Variants in TMPRSS2 observed in about 807,000 individuals in gnomAD.
The protein encoded by TMPRSS2 is transmembrane serine protease 2.
In TMPRSS2, 59 loss-of-function variants were observed where a neutral mutation model predicts 67.4. The observed-to-expected ratio is 0.88, with a 90% CI of 0.71 to 1.09. The LOEUF (loss-of-function observed/expected upper bound fraction) is 1.09, where lower values mean the gene tolerates loss of function less well. TMPRSS2 is among the 50% of genes least tolerant of loss of function. The pLI is 0.00. For synonymous variants in TMPRSS2, 257 were observed against 257.0 expected (o/e 1.00, Z 0.00); for missense variants, 668 against 642.7 (o/e 1.04, Z -0.43).
At chr21:41,471,646 C>T (rs1362224673) in intron 10 of TMPRSS2, among the ~76,000 whole-genome samples, 160 bp downstream of exon 10, 1 of 152,198 alleles carries the variant, frequency 6.6e-6, no homozygotes, top group Non-Finnish European at 1.5e-5. Context: ...GCGGCAGGTG[C>T]TCTTAGCCTC....
In TMPRSS2 at chr21:41,465,624, T is replaced by C; in HGVS notation, c.*518A>G. 4.2e-6 allele frequency: 1 copy of C among 236,990 alleles called. No individual in the cohort carries two copies. Among genetic ancestry groups the C allele is most frequent in the Non-Finnish European group, 8.3e-6 (1 of 120,868 alleles). 14.7% of individuals were successfully genotyped at this position (236,990 alleles called of 1,614,324 possible). A position where few individuals can be genotyped will look rare whatever the true frequency, so the allele number is the denominator to read the frequency against. On this transcript the variant is annotated 3_prime_UTR_variant, in exon 14 of 14. Coordinates refer to ENST00000332149, the MANE Select transcript of TMPRSS2 (RefSeq NM_005656.4). ...CCCATGAAGGGCTGGTCCCTTTATT[T>C]CTGGCCACCATCCAGGGCTGCTAAG... is the stretch of plus-strand genomic sequence containing the variant.
In TMPRSS2 at chr21:41,465,560, A is replaced by G. The variant is rs2091076807; in HGVS notation, c.*582T>C. 4 of 233,510 alleles carry G rather than the reference A, an allele frequency of 1.7e-5. No homozygotes were observed. The Admixed American group carries it at 2.2e-4, about 13-fold the overall frequency. The allele number at this position is 233,510 out of a possible 1,614,324, so 14.5% of individuals were successfully genotyped here. ...ATATTCTCACCCCATAAGAACAAAA[A>G]TGTTTCTGTTCCCCTTACAAGTGAC... On this transcript the variant is annotated 3_prime_UTR_variant, in exon 14 of 14. Coordinates refer to ENST00000332149, the MANE Select transcript of TMPRSS2 (RefSeq NM_005656.4).
intron 1 of TMPRSS2, 132 bp from the exon 2 acceptor site, chr21:41,498,321 T>C (rs1457095002): frequency 1.6e-6 from 1 of 614,680 alleles, no homozygotes; most frequent in Non-Finnish European, 2.8e-6. Flanking sequence ...TGCTGACCTT[T>C]GGCCTGCATC....
intron 2 of TMPRSS2, 62 bp from the exon 3 acceptor site, chr21:41,494,640 C>A (rs2091366183): frequency 1.4e-5 from 20 of 1,384,054 alleles, no homozygotes; most frequent in African/African-American, 2.9e-5. Flanking sequence ...GGGTTACATA[C>A]AAACTATCAC....
chr21:41,489,314 A>G (rs142103907), intron 4 of TMPRSS2, among the ~76,000 whole-genome samples, 193 bp downstream of exon 4: 70 of 152,346 alleles, frequency 4.6e-4, no homozygotes, highest in African/African-American at 1.7e-3. Context: ...CACTGGGTAC[A>G]TTCTAAATGC....
chr21:41,493,628 C>T (rs377011212), intron 3 of TMPRSS2, among the ~76,000 whole-genome samples: 9 of 152,346 alleles, frequency 5.9e-5, no homozygotes, highest in Admixed American at 4.6e-4. Context: ...CACTGCTGTG[C>T]GGGTTCCACC....
chr21:41,484,915 G>A (rs1485216788), intron 5 of TMPRSS2, among the ~76,000 whole-genome samples: 1 of 152,092 alleles, frequency 6.6e-6, no homozygotes, highest in Non-Finnish European at 1.5e-5. Context: ...GGTATCCAGT[G>A]CAGGAGAGTC....
At chr21:41,467,577 A>G (rs1569008159) in intron 13 of TMPRSS2, among the ~76,000 whole-genome samples, 157 bp downstream of exon 13, 1 of 152,138 alleles carries the variant, frequency 6.6e-6, no homozygotes, top group East Asian at 1.9e-4. Flanking sequence ...ATGGGTGGAC[A>G]CTGGGGGGAT....
At chr21:41,468,250 G>T in intron 12 of TMPRSS2, 146 bp downstream of exon 12, 1 of 1,005,970 alleles carries the variant, frequency 9.9e-7, no homozygotes, top group Non-Finnish European at 1.5e-6. Flanking sequence ...CGTTCGCACT[G>T]TTTGTGGCCG....
chr21:41,493,862 T>G (rs566903241), intron 3 of TMPRSS2, among the ~76,000 whole-genome samples: 1 of 152,220 alleles, frequency 6.6e-6, no homozygotes, highest in Non-Finnish European at 1.5e-5. Flanking sequence ...TGAAGCCCAA[T>G]GAGACAGCTC....
intron 6 of TMPRSS2, 92 bp downstream of exon 6, chr21:41,480,384 G>T: frequency 6.4e-7 from 1 of 1,555,288 alleles, no homozygotes; most frequent in Non-Finnish European, 8.7e-7. Flanking sequence ...CAGCACTCAT[G>T]TGCCGGTGCT....
In TMPRSS2 at chr21:41,479,209, C is replaced by T. The variant is rs2091238489; in HGVS notation, c.646G>A (p.Ala216Thr). 6.2e-7 allele frequency: 1 copy of T among 1,614,036 alleles called. No homozygotes were observed. The highest frequency in any genetic ancestry group is 8.5e-7 in the Non-Finnish European group (1 of 1,179,990). The stretch of plus-strand genomic sequence containing the variant: ...TTTTTATAGATATCGACATTGCCGG[C>T]ACTTGTGTTCAGTTTCATAAAGCTG... Reference protein sequence around the residue: ...STSFMKLNTSAGNVDIYKKLY... With the variant: ...STSFMKLNTSTGNVDIYKKLY... Residue 216 changes from alanine (A) to threonine (T), a missense_variant, in exon 7 of 14, where the codon GCC becomes ACC. Coordinates refer to ENST00000332149, the MANE Select transcript of TMPRSS2 (RefSeq NM_005656.4).
chr21:41,482,092 GGTTTTTTTT>G (rs2091261566), intron 5 of TMPRSS2, among the ~76,000 whole-genome samples: 1 of 151,704 alleles, frequency 6.6e-6, no homozygotes, highest in South Asian at 2.1e-4. Flanking sequence ...TAAGATAAAA[GGTTTTTTTT>G]TTTAAAGTGC....
chr21:41,492,479 G>A (rs1365190428), intron 3 of TMPRSS2, among the ~76,000 whole-genome samples: 1 of 152,206 alleles, frequency 6.6e-6, no homozygotes, highest in African/African-American at 2.4e-5. Flanking sequence ...CCTGATGGGT[G>A]CTTCTGAATT....
intron 1 of TMPRSS2, among the ~76,000 whole-genome samples, chr21:41,507,744 A>C (rs1259811781): frequency 6.6e-6 from 1 of 152,148 alleles, no homozygotes; most frequent in Non-Finnish European, 1.5e-5. Context: ...ACTAGGAGCC[A>C]GCTTTGGGGA....
At chr21:41,470,387 C>T (rs564981706) in intron 11 of TMPRSS2, among the ~76,000 whole-genome samples, 2 of 152,302 alleles carry the variant, frequency 1.3e-5, no homozygotes, top group African/African-American at 2.4e-5. Flanking sequence ...CACCTCTAAA[C>T]TCGTATGGCC....
At chr21:41,483,834 A>C (rs1478497883) in intron 5 of TMPRSS2, among the ~76,000 whole-genome samples, 1 of 151,828 alleles carries the variant, frequency 6.6e-6, no homozygotes, top group Non-Finnish European at 1.5e-5. Context: ...TGACAAATAA[A>C]AATTTTACAT....
chr21:41,470,598 A>T (rs369619813), intron 11 of TMPRSS2, 50 bp downstream of exon 11: 2 of 1,566,490 alleles, frequency 1.3e-6, no homozygotes, highest in South Asian at 1.1e-5. Flanking sequence ...TCCGAACCCA[A>T]TGCTCCATCT....
At chr21:41,507,616 G>A (rs1388691026) in intron 1 of TMPRSS2, among the ~76,000 whole-genome samples, 1 of 152,196 alleles carries the variant, frequency 6.6e-6, no homozygotes, top group Non-Finnish European at 1.5e-5. Flanking sequence ...AGGTAACACT[G>A]CGGGACTGCA....
Sources: gnomAD v4.1 joint callset for allele counts (sites outside exome capture counted in the v4.1 genomes callset) on GRCh38, gnomAD v4.1.1 for gene constraint, MANE v1.5 for transcripts, NCBI Gene and HGNC (gene_info 2026-07-23, HGNC 2026-07-21) for gene names.